KLHL29: variants seen among roughly 807,000 people sequenced by gnomAD.
KLHL29 encodes the protein kelch like family member 29.
Under a neutral mutation model 80.4 loss-of-function variants are expected in KLHL29, and 21 were observed. That is an observed-to-expected ratio of 0.26 (90% CI 0.19 to 0.38). The LOEUF is 0.38. Among genes scored for constraint, KLHL29 ranks in the 10% least tolerant of loss-of-function variants. The pLI is 1.00. For synonymous variants in KLHL29, 511 were observed against 526.8 expected, an observed-to-expected ratio of 0.97 and a Z score of 0.41; for missense variants, 867 against 1,223.9, an observed-to-expected ratio of 0.71 and a Z score of 4.35.
At chr2:23,495,431 T>G (rs1447805686) in intron 2 of KLHL29, among the ~76,000 whole-genome samples, 1 of 152,228 alleles carries the variant, frequency 6.6e-6, no homozygotes, top group African/African-American at 2.4e-5. Context: ...TGTCTTCTGA[T>G]GTTTGGCTGG....
intron 1 of KLHL29, among the ~76,000 whole-genome samples, chr2:23,425,656 C>T (rs935330742): frequency 2.6e-5 from 4 of 152,204 alleles, no homozygotes; most frequent in African/African-American, 4.8e-5. Context: ...ACTGCAGCCC[C>T]GAAAGGAGCA....
intron 1 of KLHL29, among the ~76,000 whole-genome samples, chr2:23,426,800 C>A (rs1663015881): frequency 6.6e-6 from 1 of 152,200 alleles, no homozygotes. Flanking sequence ...CTGGACCCAG[C>A]CTCAGCTGAC....
chr2:23,400,276 G>A (rs1020267815), intron 1 of KLHL29, among the ~76,000 whole-genome samples: 2 of 152,210 alleles, frequency 1.3e-5, no homozygotes, highest in African/African-American at 4.8e-5. Context: ...GGCAGGGTTT[G>A]GGTGGCCTGT....
At chr2:23,586,466 C>T (rs1243888823) in intron 3 of KLHL29, among the ~76,000 whole-genome samples, 1 of 146,302 alleles carries the variant, frequency 6.8e-6, no homozygotes. Context: ...TTCAAGCAAT[C>T]CTTCTGCCTC....
intron 3 of KLHL29, among the ~76,000 whole-genome samples, chr2:23,637,697 C>T (rs1331929086): frequency 3.3e-5 from 5 of 152,112 alleles, no homozygotes; most frequent in African/African-American, 9.7e-5. Flanking sequence ...CCAGCCTCCG[C>T]ATCCACACCC....
chr2:23,463,521 G>A (rs1664271112), intron 1 of KLHL29, among the ~76,000 whole-genome samples: 1 of 152,140 alleles, frequency 6.6e-6, no homozygotes, highest in Non-Finnish European at 1.5e-5. Context: ...AAACCCCTCA[G>A]CTTGTTATAT....
chr2:23,666,570 T>G (rs1414460237), intron 5 of KLHL29, among the ~76,000 whole-genome samples: 2 of 152,194 alleles, frequency 1.3e-5, no homozygotes, highest in African/African-American at 4.8e-5. Context: ...CCATGACTGT[T>G]CCGCAAAGCC....
chr2:23,443,232 A>C (rs1663582339), intron 1 of KLHL29, among the ~76,000 whole-genome samples: 1 of 152,164 alleles, frequency 6.6e-6, no homozygotes, highest in Non-Finnish European at 1.5e-5. Context: ...AGCTGTTTGA[A>C]AGTTTCAGAC....
chr2:23,625,462 G>A (rs1398412477), intron 3 of KLHL29, among the ~76,000 whole-genome samples: 1 of 152,194 alleles, frequency 6.6e-6, no homozygotes, highest in African/African-American at 2.4e-5. Context: ...AACAGCATTC[G>A]GGAAAGACTA....
Position 23,703,366 on chromosome 2 carries a change from G to T in KLHL29, c.2286G>T (p.Glu762Asp). Residue 762 changes from glutamate (E) to aspartate (D), a missense_variant, in exon 12 of 14, where the codon GAG becomes GAT. Glu to Asp is a conservative substitution (Grantham distance 45, BLOSUM62 2). Around this residue, in one of 2 missense-constraint regions of KLHL29, gnomAD observed 443 missense variants for 767.0 expected, o/e 0.58. Coordinates refer to ENST00000486442, the MANE Select transcript of KLHL29 (RefSeq NM_052920.2). ...VPQTNTWSFI[E>D]SPMIDNKYAP... ...AGACCAACACGTGGAGCTTCATCGA[G>T]TCCCCAATGATTGGTGAGAACCAGC... The T allele has an allele frequency of 6.6e-7, 1 of 1,506,234 alleles. No homozygotes were observed. The highest frequency in any genetic ancestry group is 8.9e-7 in the Non-Finnish European group (1 of 1,128,768). The allele number at this position is 1,506,234 out of a possible 1,614,324, so 93.3% of individuals were successfully genotyped here. A position where few individuals can be genotyped will look rare whatever the true frequency, so the allele number is the denominator to read the frequency against.
At position 23,695,893 on chromosome 2, in the gene KLHL29, G is replaced by A. The variant is rs1671922081; in HGVS notation, c.1742-58G>A. 6.5e-7 allele frequency: 1 copy of A among 1,536,122 alleles called. No individual in the cohort carries two copies. The highest frequency in any genetic ancestry group is 1.2e-5 in the South Asian group (1 of 81,598). On this transcript the variant is annotated intron_variant, in intron 9 of 13. Coordinates refer to ENST00000486442, the MANE Select transcript of KLHL29 (RefSeq NM_052920.2). This position sits in a 1 kb window ranked among gnomAD's most constrained non-coding sequence, Gnocchi z 7.6. Reference sequence around the variant, plus strand: ...CTCAGTGGTTCCAGTGAGGTGCCAGGCACAGATGCCGACAGTCTTAGAGTG... The same window carrying A: ...CTCAGTGGTTCCAGTGAGGTGCCAGACACAGATGCCGACAGTCTTAGAGTG...
intron 3 of KLHL29, chr2:23,617,129 T>G (rs947843487): frequency 3.3e-5 from 5 of 152,228 alleles, no homozygotes; most frequent in African/African-American, 1.2e-4. Flanking sequence ...TCCCTTTGAT[T>G]ACCCATAACA....
chr2:23,475,771 C>T (rs982438865), intron 2 of KLHL29, 104 bp downstream of exon 2: 1 of 161,080 alleles, frequency 6.2e-6, no homozygotes, highest in Non-Finnish European at 1.5e-5. Context: ...GAAGAAAGTA[C>T]AGTAGGTCCC....
In KLHL29 at chr2:23,562,207, AC is replaced by A. The variant is rs1255278638; in HGVS notation, c.13del (p.His5IlefsTer132). 6.4e-7 allele frequency: 1 copy of A among 1,550,390 alleles called. No homozygotes were observed. Among genetic ancestry groups the A allele is most frequent in the Non-Finnish European group, 8.7e-7 (1 of 1,146,944 alleles). ...CCTCGGCCCACCGAGATGTCCCGGC[AC>A]CATAGCCGCTTCGAAAGAGATTACC... MSR[H>X]HSRFERDYRV... is the part of the protein sequence containing the mutation. On this transcript the variant is annotated frameshift_variant, in exon 3 of 14. Transcript: ENST00000486442. LOFTEE classifies it high-confidence loss of function. The surrounding 1 kb of genome is among the most constrained non-coding windows in gnomAD (Gnocchi z 4.5).
chr2:23,472,616 A>T (rs1261168693), intron 1 of KLHL29, among the ~76,000 whole-genome samples: 1 of 152,190 alleles, frequency 6.6e-6, no homozygotes, highest in East Asian at 1.9e-4. Flanking sequence ...CCTGGGCAAC[A>T]GAGTGAGACT....
rs143275202 is a variant in KLHL29 at position 23,538,282 on chromosome 2, C to T, written c.-45-23870C>T. Among the ~76,000 whole-genome samples, 92 of 152,274 alleles carry T rather than the reference C, an allele frequency of 6.0e-4. 1 individual carries two copies. In the East Asian group the frequency reaches 0.012, roughly 20 times the overall value. The stretch of plus-strand genomic sequence containing the variant: ...TAAAAGCTCTCAAGTGATGCTGGAC[C>T]TAAGGACCACACTTTGAGAAACAAA... On this transcript the variant is annotated intron_variant, in intron 2 of 13. Coordinates refer to ENST00000486442, the MANE Select transcript of KLHL29 (RefSeq NM_052920.2).
intron 2 of KLHL29, among the ~76,000 whole-genome samples, chr2:23,518,641 G>A (rs943067521): frequency 8.5e-5 from 13 of 152,104 alleles, no homozygotes; most frequent in African/African-American, 3.1e-4. Flanking sequence ...CAGTACCCAG[G>A]ACACCTGAGC....
At chr2:23,504,317 C>G (rs1665534305) in intron 2 of KLHL29, among the ~76,000 whole-genome samples, 1 of 152,216 alleles carries the variant, frequency 6.6e-6, no homozygotes, top group South Asian at 2.1e-4. Context: ...GGTGAGAGCT[C>G]TGATCGCCCA....
chr2:23,521,888 G>A lies in KLHL29; in HGVS notation c.-45-40264G>A, dbSNP rs372532912. ...GGGGTCCCGTAGAGGTAGTTGGGAC[G>A]TTTATCCCTGAACTAAATGGTCAAA... On this transcript the variant is annotated intron_variant, in intron 2 of 13. Coordinates refer to ENST00000486442, the MANE Select transcript of KLHL29 (RefSeq NM_052920.2). 1.0e-3 allele frequency among the ~76,000 whole-genome samples: 154 copies of A among 152,266 alleles called. 3 individuals are homozygous for A. The South Asian group carries it at 0.029, about 29-fold the overall frequency.
Sources: gnomAD v4.1 joint callset for allele counts (sites outside exome capture counted in the v4.1 genomes callset) on GRCh38, gnomAD v4.1.1 for gene constraint, gnomAD v4.1.1 regional missense constraint, Gnocchi (gnomAD v3.1) non-coding constraint, MANE v1.5 for transcripts, NCBI Gene and HGNC (gene_info 2026-07-23, HGNC 2026-07-21) for gene names.